The following PRELID2 variants were observed in gnomAD, a reference collection of about 807,000 sequenced individuals.
PRELID2 encodes PRELI domain containing 2, also known as PRELI domain-containing protein 2.
A neutral mutation model predicts 28.4 loss-of-function variants in PRELID2; 25 were observed. That is an observed-to-expected ratio of 0.88 (90% CI 0.64 to 1.23). The LOEUF (loss-of-function observed/expected upper bound fraction) is 1.23, where lower values mean the gene tolerates loss of function less well. PRELID2 is among the 50% of genes most tolerant of loss of function. The pLI, the probability that PRELID2 is intolerant of heterozygous loss-of-function variation, is 0.00. For missense variants in PRELID2, 201 were observed against 214.4 expected (o/e 0.94, Z 0.39); for synonymous variants, 76 against 71.6 (o/e 1.06, Z -0.31).
the PRELID2 span, among the ~76,000 whole-genome samples, chr5:145,283,088 CA>C: frequency 6.6e-6 from 1 of 152,156 alleles, no homozygotes; most frequent in Non-Finnish European, 1.5e-5. Context: ...TTCTCCATTA[CA>C]AGTTCATTTC....
intron 1 of PRELID2, among the ~76,000 whole-genome samples, chr5:145,509,451 A>T (rs1241138040): frequency 2.0e-5 from 3 of 152,158 alleles, no homozygotes; most frequent in South Asian, 4.1e-4. Context: ...AGGCAAGGTC[A>T]CCCAGGCTGC....
intron 5 of PRELID2, among the ~76,000 whole-genome samples, chr5:145,765,554 G>T (rs899779962): frequency 7.2e-5 from 11 of 152,084 alleles, no homozygotes; most frequent in African/African-American, 2.2e-4. Flanking sequence ...ATACATCATT[G>T]GATGACTGGT....
the PRELID2 span, among the ~76,000 whole-genome samples, chr5:145,307,320 A>G: frequency 6.6e-6 from 1 of 152,196 alleles, no homozygotes; most frequent in Admixed American, 6.5e-5. Flanking sequence ...GGAGGCTCAC[A>G]CAGCAGGTGG....
the PRELID2 span, among the ~76,000 whole-genome samples, chr5:145,376,821 T>C: frequency 2.0e-5 from 3 of 150,030 alleles, no homozygotes; most frequent in Admixed American, 6.6e-5. Flanking sequence ...TATTTTATAA[T>C]TTTTTTTGAA....
At chr5:145,573,914 C>T (rs1753037231) in intron 1 of PRELID2, among the ~76,000 whole-genome samples, 1 of 152,158 alleles carries the variant, frequency 6.6e-6, no homozygotes, top group African/African-American at 2.4e-5. Flanking sequence ...TTTATAAACT[C>T]TGCATTCTGT....
Position 145,682,533 on chromosome 5 carries a change from G to A in PRELID2, n.70+82398C>T, listed in dbSNP as rs376832052. 1.4e-4 allele frequency among the ~76,000 whole-genome samples: 22 copies of A among 152,306 alleles called. 1 individual carries two copies. The South Asian group carries it at 4.1e-3, about 29-fold the overall frequency. ...TTCGCCCAGATGTATTAACAGGGTA[G>A]AAGGTCAGGAAAAGCAGAGAAAAGC... is the stretch of plus-strand genomic sequence containing the variant. On this transcript the variant is annotated intron_variant and non_coding_transcript_variant, in intron 1 of 2. Transcript: ENST00000510259.
At chr5:145,553,193 C>A (rs113633129) in intron 1 of PRELID2, among the ~76,000 whole-genome samples, 246 of 134,892 alleles carry the variant, frequency 1.8e-3, no homozygotes, top group African/African-American at 4.0e-3. Context: ...CCCCCCCCCC[C>A]AAAAAAAAAG....
chr5:145,696,021 G>A (rs1252230375), intron 1 of PRELID2, among the ~76,000 whole-genome samples: 1 of 151,982 alleles, frequency 6.6e-6, no homozygotes, highest in African/African-American at 2.4e-5. Context: ...ATATGTATGT[G>A]TGCATATGTG....
chr5:145,586,919 A>C (rs1464494459), intron 1 of PRELID2, among the ~76,000 whole-genome samples: 4 of 152,146 alleles, frequency 2.6e-5, no homozygotes, highest in Non-Finnish European at 5.9e-5. Flanking sequence ...CCTAATTCCA[A>C]GGAAAGGAAA....
intron 1 of PRELID2, among the ~76,000 whole-genome samples, chr5:145,714,217 C>T (rs1283099819): frequency 2.0e-5 from 3 of 152,046 alleles, no homozygotes; most frequent in African/African-American, 7.2e-5. Context: ...AGGCACAACA[C>T]CAACCACTTT....
chr5:145,472,916 C>T (rs535440078), intron 2 of PRELID2, among the ~76,000 whole-genome samples: 78 of 152,276 alleles, frequency 5.1e-4, no homozygotes, highest in African/African-American at 1.5e-3. Flanking sequence ...TTTTCTAGAA[C>T]ACAGTTTCTT....
intron 1 of PRELID2, among the ~76,000 whole-genome samples, chr5:145,587,271 T>C (rs1753166637): frequency 6.6e-6 from 1 of 152,146 alleles, no homozygotes; most frequent in African/African-American, 2.4e-5. Flanking sequence ...TCCTATTTGG[T>C]GTGTGATATT....
At chr5:145,613,088 C>T (rs1046794299) in intron 1 of PRELID2, among the ~76,000 whole-genome samples, 4 of 152,184 alleles carry the variant, frequency 2.6e-5, no homozygotes, top group South Asian at 2.1e-4. Context: ...AGTTGCATTC[C>T]CTGATCACTG....
At chr5:145,550,979 C>A (rs1253603670) in intron 1 of PRELID2, among the ~76,000 whole-genome samples, 1 of 152,154 alleles carries the variant, frequency 6.6e-6, no homozygotes, top group Non-Finnish European at 1.5e-5. Flanking sequence ...ACTCTACATT[C>A]TTCCTTTAGC....
the PRELID2 span, among the ~76,000 whole-genome samples, chr5:145,417,667 GCA>G: frequency 1.3e-5 from 2 of 152,128 alleles, no homozygotes; most frequent in Non-Finnish European, 2.9e-5. Context: ...ATCAATAGAT[GCA>G]GAAAAAGCCT....
intron 1 of PRELID2, among the ~76,000 whole-genome samples, chr5:145,615,316 CTCTT>C (rs1753679068): frequency 8.0e-6 from 1 of 125,570 alleles, no homozygotes; most frequent in Non-Finnish European, 1.6e-5. Context: ...TTATGTGAGT[CTCTT>C]TTTTTTGTTT....
chr5:145,767,521 A>G (rs985052683), intron 5 of PRELID2, among the ~76,000 whole-genome samples: 1 of 152,188 alleles, frequency 6.6e-6, no homozygotes, highest in African/African-American at 2.4e-5. Flanking sequence ...TATGAATGAC[A>G]AAGCTAAAAG....
Position 145,553,191 on chromosome 5 carries a change from C to CCG in PRELID2, n.71-79877_71-79876insCG, listed in dbSNP as rs1554076079. Among the ~76,000 whole-genome samples, 74 of 141,602 alleles carry CCG rather than the reference C, an allele frequency of 5.2e-4. 2 individuals are homozygous for CCG. The highest frequency in any genetic ancestry group is 2.0e-3 in the African/African-American group (72 of 36,338). 92.9% of individuals were successfully genotyped at this position (141,602 alleles called of 152,430 possible). ...TACCAGTTGCTAGAGGACCCCCCCC[C>CCG]CCAAAAAAAAAGGGAGCTGTTAATT... On this transcript the variant is annotated intron_variant and non_coding_transcript_variant, in intron 1 of 2. Transcript: ENST00000510259.
At chr5:145,545,640 C>A (rs1033036981) in intron 1 of PRELID2, among the ~76,000 whole-genome samples, 20 of 152,024 alleles carry the variant, frequency 1.3e-4, no homozygotes, top group African/African-American at 4.8e-4. Flanking sequence ...AAGGAAAGGG[C>A]CTTGGCCTCG....
Sources: gnomAD v4.1 joint callset for allele counts (sites outside exome capture counted in the v4.1 genomes callset) on GRCh38, gnomAD v4.1.1 for gene constraint, MANE v1.5 for transcripts, NCBI Gene and HGNC (gene_info 2026-07-23, HGNC 2026-07-21) for gene names.